WDR72: variants seen among roughly 807,000 people sequenced by gnomAD.
WDR72 encodes WD repeat-containing protein 72.
In WDR72, 120 loss-of-function variants were observed where a neutral mutation model predicts 124.2. That is an observed-to-expected ratio of 0.97 (90% CI 0.83 to 1.12). The LOEUF is 1.12. Among genes scored for constraint, WDR72 ranks in the 50% most tolerant of loss-of-function variants. WDR72 has a pLI of 0.00. For synonymous variants in WDR72, 452 were observed against 441.7 expected (o/e 1.02, Z -0.29); for missense variants, 1,387 against 1,278.8 (o/e 1.08, Z -1.29).
intron 18 of WDR72, among the ~76,000 whole-genome samples, chr15:53,586,365 G>A (rs2012214536): frequency 6.6e-6 from 1 of 152,030 alleles, no homozygotes; most frequent in African/African-American, 2.4e-5. Flanking sequence ...CAATTAGCAT[G>A]TTGTAAGCCA....
chr15:53,671,953 G>A (rs1002027274), intron 13 of WDR72, among the ~76,000 whole-genome samples: 2 of 151,750 alleles, frequency 1.3e-5, no homozygotes, highest in African/African-American at 2.4e-5. Context: ...AAGGGAAGAG[G>A]GAGAGGAGAG....
chr15:53,714,201 GTGTA>G (rs1015930786), intron 6 of WDR72, among the ~76,000 whole-genome samples: 1 of 143,202 alleles, frequency 7.0e-6, no homozygotes, highest in Non-Finnish European at 1.6e-5. Context: ...GTGTGTGTGT[GTGTA>G]AATGAAAACA....
At chr15:53,620,570 G>C in intron 14 of WDR72, among the ~76,000 whole-genome samples, 1 of 152,004 alleles carries the variant, frequency 6.6e-6, no homozygotes, top group East Asian at 1.9e-4. Context: ...TGCAACAAAT[G>C]GTGCTGGGAT....
chr15:53,555,840 C>A (rs1271049679), intron 18 of WDR72, among the ~76,000 whole-genome samples: 1 of 152,026 alleles, frequency 6.6e-6, no homozygotes, highest in African/African-American at 2.4e-5. Context: ...CCTAAAAAGT[C>A]TTATAGCACT....
chr15:53,597,345 CA>C (rs2012827325), intron 17 of WDR72, 71 bp from the exon 18 acceptor site: 2 of 1,486,850 alleles, frequency 1.3e-6, no homozygotes, highest in African/African-American at 1.4e-5. Context: ...GCAAAAAATC[CA>C]AAGCCCGGAA....
At chr15:53,583,091 C>A (rs1317299772) in intron 18 of WDR72, among the ~76,000 whole-genome samples, 2 of 151,870 alleles carry the variant, frequency 1.3e-5, no homozygotes, top group East Asian at 3.9e-4. Flanking sequence ...CAGAAAAGAA[C>A]CTGGGATTGG....
chr15:53,556,506 T>A (rs1057350684), intron 18 of WDR72, among the ~76,000 whole-genome samples: 4 of 152,118 alleles, frequency 2.6e-5, no homozygotes, highest in African/African-American at 9.7e-5. Context: ...TGGAACTGAC[T>A]TATCAACTGT....
chr15:53,524,367 A>G (rs147599327), intron 18 of WDR72, among the ~76,000 whole-genome samples: 109 of 152,234 alleles, frequency 7.2e-4, no homozygotes, highest in Middle Eastern at 3.4e-3. Context: ...CACACATAAG[A>G]TATGTTTGTT....
At chr15:53,669,097 G>A (rs1294039957) in intron 13 of WDR72, among the ~76,000 whole-genome samples, 2 of 151,992 alleles carry the variant, frequency 1.3e-5, no homozygotes, top group South Asian at 2.1e-4. Flanking sequence ...TGGTTCTCGT[G>A]TACTTTTCTT....
intron 13 of WDR72, among the ~76,000 whole-genome samples, chr15:53,667,012 A>G (rs2015801721): frequency 6.6e-6 from 1 of 152,158 alleles, no homozygotes; most frequent in Non-Finnish European, 1.5e-5. Flanking sequence ...CTTATCATAC[A>G]AGCTTATAAA....
chr15:53,752,817 C>A (rs1004365734), intron 1 of WDR72, among the ~76,000 whole-genome samples: 1 of 152,140 alleles, frequency 6.6e-6, no homozygotes, highest in Non-Finnish European at 1.5e-5. Context: ...ATACCAAAAT[C>A]TATTCTCTAC....
intron 18 of WDR72, among the ~76,000 whole-genome samples, chr15:53,532,061 G>A (rs997174249): frequency 6.6e-6 from 1 of 152,036 alleles, no homozygotes; most frequent in African/African-American, 2.4e-5. Flanking sequence ...TACACTAATC[G>A]TTAGAGAAAT....
At position 53,639,571 on chromosome 15, in the gene WDR72, A is replaced by G. The variant is rs1476954558; in HGVS notation, c.1963-23328T>C. Among the ~76,000 whole-genome samples the G allele has an allele frequency of 1.9e-4, 27 of 144,582 alleles. No homozygotes were observed. In the East Asian group the frequency reaches 5.2e-3, roughly 28 times the overall value. The allele number at this position is 144,582 out of a possible 152,430, so 94.9% of individuals were successfully genotyped here. On this transcript the variant is annotated intron_variant, in intron 14 of 19. Coordinates refer to ENST00000360509, the MANE Select transcript of WDR72 (RefSeq NM_182758.4). ...TTATTTATTTATAAAATTATATATA[A>G]TGTTATAAATTAAAAATTATATAAA...
At chr15:53,690,991 T>C (rs1165874962) in intron 13 of WDR72, among the ~76,000 whole-genome samples, 1 of 152,214 alleles carries the variant, frequency 6.6e-6, no homozygotes, top group African/African-American at 2.4e-5. Context: ...AAATTATAAG[T>C]ATCCTAGTGA....
chr15:53,680,130 C>T (rs1250450031), intron 13 of WDR72, among the ~76,000 whole-genome samples: 1 of 152,042 alleles, frequency 6.6e-6, no homozygotes, highest in African/African-American at 2.4e-5. Flanking sequence ...GCAAGGTGGC[C>T]AGAACTAACC....
upstream of WDR72, among the ~76,000 whole-genome samples, chr15:53,761,035 A>G (rs544517674): frequency 5.1e-4 from 78 of 152,224 alleles, no homozygotes; most frequent in African/African-American, 1.6e-3. Flanking sequence ...GAGGCAGGAG[A>G]ATCACTTGAA....
intron 18 of WDR72, among the ~76,000 whole-genome samples, chr15:53,558,210 G>A (rs941131682): frequency 2.6e-5 from 4 of 151,984 alleles, no homozygotes; most frequent in African/African-American, 9.7e-5. Context: ...ATTTTATCCA[G>A]TTTTAATGGC....
chr15:53,740,499 G>A (rs977750757), intron 1 of WDR72, among the ~76,000 whole-genome samples: 3 of 151,962 alleles, frequency 2.0e-5, no homozygotes, highest in Non-Finnish European at 4.4e-5. Flanking sequence ...AGCAGAGAAC[G>A]GGGTTTCACC....
At chr15:53,672,736 C>T (rs2016038994) in intron 13 of WDR72, among the ~76,000 whole-genome samples, 1 of 152,194 alleles carries the variant, frequency 6.6e-6, no homozygotes, top group Non-Finnish European at 1.5e-5. Context: ...CCATCACATT[C>T]TACACTTCAA....
Sources: allele counts gnomAD v4.1 joint callset (sites outside exome capture counted in the v4.1 genomes callset), GRCh38; gene constraint gnomAD v4.1.1; transcripts MANE v1.5; gene names NCBI Gene and HGNC (gene_info 2026-07-23, HGNC 2026-07-21).